KCNH8: variants seen among roughly 807,000 people sequenced by gnomAD.
KCNH8 encodes the protein potassium voltage-gated channel subfamily H member 8, also known as voltage-gated delayed rectifier potassium channel KCNH8.
In KCNH8, 70 loss-of-function variants were observed where a neutral mutation model predicts 103.6. The ratio of observed to expected loss-of-function variants is 0.68; its 90% CI spans 0.56 to 0.82. KCNH8 has a LOEUF of 0.82. KCNH8 is among the 40% of genes least tolerant of loss of function. KCNH8 has a pLI of 0.00. For missense variants in KCNH8, 1,217 were observed against 1,329.9 expected (o/e 0.92, Z 1.32); for synonymous variants, 498 against 489.4 (o/e 1.02, Z -0.23).
intron 5 of KCNH8, among the ~76,000 whole-genome samples, chr3:19,379,181 A>G (rs987852471): frequency 6.6e-6 from 1 of 152,230 alleles, no homozygotes; most frequent in African/African-American, 2.4e-5. Context: ...GACCATACAC[A>G]TGAAAAGCCT....
In KCNH8 at chr3:19,498,936, G is replaced by A. The variant is rs974829777; in HGVS notation, c.2041-11427G>A. On this transcript the variant is annotated intron_variant, in intron 11 of 15. Coordinates refer to ENST00000328405, the MANE Select transcript of KCNH8 (RefSeq NM_144633.3). ...ACCCACTTGAGGAGGCAGTCTGCCC[G>A]TTCTCAGATCTCCAGCTGCGTGCTG... Among the ~76,000 whole-genome samples the A allele has an allele frequency of 8.5e-5, 13 of 152,114 alleles. 1 individual carries two copies. The highest frequency in any genetic ancestry group is 1.9e-4 in the East Asian group (1 of 5,176).
At chr3:19,245,865 A>G (rs1207134282) in intron 1 of KCNH8, among the ~76,000 whole-genome samples, 1 of 152,194 alleles carries the variant, frequency 6.6e-6, no homozygotes, top group African/African-American at 2.4e-5. Flanking sequence ...TTTTCTAGGT[A>G]TAGAGTAATA....
At chr3:19,267,671 G>C (rs534584616) in intron 2 of KCNH8, among the ~76,000 whole-genome samples, 36 of 152,126 alleles carry the variant, frequency 2.4e-4, no homozygotes, top group Admixed American at 2.2e-3. Context: ...GTAAGAGCAA[G>C]CAGAAATATT....
At chr3:19,199,118 A>G (rs979928231) in intron 1 of KCNH8, among the ~76,000 whole-genome samples, 2 of 152,146 alleles carry the variant, frequency 1.3e-5, no homozygotes, top group African/African-American at 4.8e-5. Context: ...AACTTTTACC[A>G]TGCTGCATAT....
At chr3:19,464,671 A>T (rs2067699671) in intron 11 of KCNH8, among the ~76,000 whole-genome samples, 1 of 152,126 alleles carries the variant, frequency 6.6e-6, no homozygotes, top group African/African-American at 2.4e-5. Context: ...ACTCCTAAAA[A>T]TAAGTAAGAA....
intron 1 of KCNH8, among the ~76,000 whole-genome samples, chr3:19,173,295 T>C (rs1303312865): frequency 6.6e-6 from 1 of 152,154 alleles, no homozygotes; most frequent in Non-Finnish European, 1.5e-5. Context: ...ACCGGCAATG[T>C]GAGTGCCTTG....
chr3:19,162,064 C>G (rs1261111978), intron 1 of KCNH8, among the ~76,000 whole-genome samples: 1 of 151,938 alleles, frequency 6.6e-6, no homozygotes, highest in Non-Finnish European at 1.5e-5. Flanking sequence ...TCTAAATGAG[C>G]CTTTTATGTT....
intron 2 of KCNH8, among the ~76,000 whole-genome samples, chr3:19,277,150 G>A (rs2064685641): frequency 6.6e-6 from 1 of 152,098 alleles, no homozygotes; most frequent in South Asian, 2.1e-4. Flanking sequence ...CTAAAAAAGT[G>A]GCTCTTATGA....
At chr3:19,323,875 A>G (rs968373933) in intron 3 of KCNH8, among the ~76,000 whole-genome samples, 4 of 152,214 alleles carry the variant, frequency 2.6e-5, no homozygotes, top group Non-Finnish European at 4.4e-5. Flanking sequence ...TCTGTCAGCC[A>G]TGGATGCCAT....
chr3:19,278,604 G>A (rs1195263831), intron 2 of KCNH8, among the ~76,000 whole-genome samples: 1 of 151,956 alleles, frequency 6.6e-6, no homozygotes, highest in African/African-American at 2.4e-5. Context: ...TAGTTTTTAT[G>A]CCCTTTACAC....
At chr3:19,383,027 A>G (rs1421717469) in intron 5 of KCNH8, among the ~76,000 whole-genome samples, 2 of 152,190 alleles carry the variant, frequency 1.3e-5, no homozygotes, top group Non-Finnish European at 2.9e-5. Context: ...AAACTTTTGC[A>G]TAAAAGTGTT....
intron 7 of KCNH8, among the ~76,000 whole-genome samples, chr3:19,419,261 G>A (rs1483290509): frequency 2.7e-4 from 39 of 145,636 alleles, no homozygotes; most frequent in African/African-American, 8.6e-4. Context: ...GTGCAGTGGC[G>A]CGATCTCGGC....
At chr3:19,186,626 G>A (rs1037478896) in intron 1 of KCNH8, among the ~76,000 whole-genome samples, 23 of 151,890 alleles carry the variant, frequency 1.5e-4, no homozygotes, top group Non-Finnish European at 1.3e-4. Flanking sequence ...AAGAAAAATC[G>A]TAACTTTCAT....
chr3:19,343,415 T>G (rs1422490698), intron 4 of KCNH8, among the ~76,000 whole-genome samples: 1 of 152,116 alleles, frequency 6.6e-6, no homozygotes, highest in African/African-American at 2.4e-5. Context: ...ATTTTGTAAT[T>G]GGTTCTTAGC....
At position 19,518,027 on chromosome 3, in the gene KCNH8, A is replaced by G; in HGVS notation, c.2572A>G (p.Ile858Val). 1 of 1,612,362 alleles carries G rather than the reference A, an allele frequency of 6.2e-7. No individual in the cohort carries two copies. Among genetic ancestry groups the G allele is most frequent in the South Asian group, 1.1e-5 (1 of 91,044 alleles). The change falls in exon 15 of 16, where the codon ATC (isoleucine) becomes GTC (valine). Residue 858 changes from isoleucine to valine, a missense_variant. Physicochemically the swap from Ile to Val is conservative, Grantham distance 29. Around this residue, in one of 3 missense-constraint regions of KCNH8, gnomAD observed 558 missense variants for 495.8 expected, o/e 1.13. Coordinates refer to ENST00000328405, the MANE Select transcript of KCNH8 (RefSeq NM_144633.3). ...DPEIGAAVLF[I>V]KAEETKQQIN... ...AGAGATTGGAGCTGCTGTTCTCTTCATCAAAGCAGAGGAGACCAAGCAGCA... is the reference window on the plus strand; with the variant it reads ...AGAGATTGGAGCTGCTGTTCTCTTCGTCAAAGCAGAGGAGACCAAGCAGCA...
At chr3:19,360,963 A>G (rs2065939619) in intron 5 of KCNH8, among the ~76,000 whole-genome samples, 1 of 152,210 alleles carries the variant, frequency 6.6e-6, no homozygotes, top group South Asian at 2.1e-4. Context: ...AGACATTAAT[A>G]TATGACAACA....
At chr3:19,223,450 A>G (rs1455260088) in intron 1 of KCNH8, among the ~76,000 whole-genome samples, 1 of 152,134 alleles carries the variant, frequency 6.6e-6, no homozygotes, top group African/African-American at 2.4e-5. Flanking sequence ...GACATATTAC[A>G]TATTTTTTTA....
chr3:19,275,828 A>G (rs2064662063), intron 2 of KCNH8, among the ~76,000 whole-genome samples: 1 of 152,008 alleles, frequency 6.6e-6, no homozygotes. Flanking sequence ...CATATTGATT[A>G]GAGTCTGGAA....
chr3:19,503,834 C>A (rs968808668), intron 11 of KCNH8, among the ~76,000 whole-genome samples: 2 of 151,554 alleles, frequency 1.3e-5, no homozygotes, highest in African/African-American at 4.9e-5. Flanking sequence ...TGCTAGATGA[C>A]GAGTTAGTGG....
Sources: allele counts gnomAD v4.1 joint callset (sites outside exome capture counted in the v4.1 genomes callset), GRCh38; gene constraint gnomAD v4.1.1; regional missense constraint gnomAD v4.1.1; transcripts MANE v1.5; gene names NCBI Gene and HGNC (gene_info 2026-07-23, HGNC 2026-07-21).